Variants in FNDC3A observed in about 807,000 individuals in gnomAD.
FNDC3A encodes the protein fibronectin type III domain containing 3A, also known as fibronectin type-III domain-containing protein 3A.
FNDC3A carries 32 observed loss-of-function variants against 148.9 expected under a neutral mutation model. That is an observed-to-expected ratio of 0.21 (90% CI 0.16 to 0.29). The LOEUF (loss-of-function observed/expected upper bound fraction) is 0.29. Among genes scored for constraint, FNDC3A ranks in the 10% least tolerant of loss-of-function variants. The pLI is 1.00. For missense variants in FNDC3A, 1,191 were observed against 1,452.8 expected (o/e 0.82, Z 2.93); for synonymous variants, 472 against 473.6 (o/e 1.00, Z 0.04).
At chr13:48,980,708 G>A (rs1283307303) in intron 1 of FNDC3A, among the ~76,000 whole-genome samples, 3 of 152,158 alleles carry the variant, frequency 2.0e-5, no homozygotes, top group Non-Finnish European at 4.4e-5. Context: ...TCAGTATACT[G>A]TGGTTCATGT....
chr13:49,115,961 T>C (rs1880926647), intron 4 of FNDC3A, among the ~76,000 whole-genome samples: 1 of 152,220 alleles, frequency 6.6e-6, no homozygotes, highest in Non-Finnish European at 1.5e-5. Flanking sequence ...TCTACTTCTT[T>C]GTTGCACCTT....
chr13:49,150,818 G>A (rs563138793), intron 8 of FNDC3A, among the ~76,000 whole-genome samples: 24 of 151,790 alleles, frequency 1.6e-4, no homozygotes, highest in South Asian at 1.0e-3. Context: ...GGTGGTGCAC[G>A]CCTGTAGTCC....
intron 2 of FNDC3A, among the ~76,000 whole-genome samples, chr13:49,073,872 A>C (rs1358802801): frequency 9.6e-5 from 14 of 145,166 alleles, no homozygotes; most frequent in African/African-American, 3.7e-4. Flanking sequence ...ATACATATAT[A>C]CATATTCCTT....
At chr13:49,060,393 C>T (rs1876581777) in intron 2 of FNDC3A, among the ~76,000 whole-genome samples, 4 of 152,200 alleles carry the variant, frequency 2.6e-5, no homozygotes, top group Admixed American at 2.0e-4. Flanking sequence ...CCTGTAATCC[C>T]AGCACTTTGG....
At chr13:49,125,564 A>C (rs889294921) in intron 4 of FNDC3A, among the ~76,000 whole-genome samples, 2 of 152,166 alleles carry the variant, frequency 1.3e-5, no homozygotes, top group Non-Finnish European at 2.9e-5. Flanking sequence ...GGAATTGAGA[A>C]AGTCACAGAA....
intron 2 of FNDC3A, chr13:49,044,615 A>G (rs987626058): frequency 5.3e-6 from 1 of 188,480 alleles, no homozygotes; most frequent in African/African-American, 2.4e-5. Flanking sequence ...GGTTGCAGTA[A>G]GCTGAGATCG....
At chr13:49,058,911 T>C (rs1345432523) in intron 2 of FNDC3A, among the ~76,000 whole-genome samples, 1 of 152,248 alleles carries the variant, frequency 6.6e-6, no homozygotes, top group Non-Finnish European at 1.5e-5. Context: ...ATTCTTTCAA[T>C]ACTGCTGTCA....
At chr13:49,001,022 C>T (rs913280915) in intron 1 of FNDC3A, among the ~76,000 whole-genome samples, 2 of 151,558 alleles carry the variant, frequency 1.3e-5, no homozygotes, top group African/African-American at 4.9e-5. Context: ...ATTATATTGT[C>T]TGTGAACAGA....
At chr13:49,131,423 C>T in intron 5 of FNDC3A, 49 bp downstream of exon 5, 2 of 1,293,066 alleles carry the variant, frequency 1.5e-6, no homozygotes, top group Non-Finnish European at 2.3e-6. Flanking sequence ...ATATTCTTCG[C>T]TTGGATATAA....
At chr13:49,038,164 C>T (rs946350751) in intron 2 of FNDC3A, among the ~76,000 whole-genome samples, 1 of 152,042 alleles carries the variant, frequency 6.6e-6, no homozygotes, top group Non-Finnish European at 1.5e-5. Flanking sequence ...TGCCGTTTGT[C>T]TGCTCATCTC....
chr13:49,123,226 G>A (rs184247884), intron 4 of FNDC3A, among the ~76,000 whole-genome samples: 22 of 151,874 alleles, frequency 1.4e-4, no homozygotes, highest in Non-Finnish European at 2.7e-4. Context: ...TTGACAAACC[G>A]GGCAAAAACA....
At chr13:49,113,470 C>T (rs955606001) in intron 3 of FNDC3A, among the ~76,000 whole-genome samples, 1 of 152,020 alleles carries the variant, frequency 6.6e-6, no homozygotes, top group African/African-American at 2.4e-5. Context: ...GGCTGTAATC[C>T]GGATTTGTTG....
At chr13:49,069,641 A>G (rs1004917458) in intron 2 of FNDC3A, among the ~76,000 whole-genome samples, 3 of 152,210 alleles carry the variant, frequency 2.0e-5, no homozygotes, top group Admixed American at 2.0e-4. Context: ...ATACACATAC[A>G]CACAAGTGCT....
At chr13:49,104,283 T>C (rs1263546782) in intron 3 of FNDC3A, among the ~76,000 whole-genome samples, 2 of 152,120 alleles carry the variant, frequency 1.3e-5, no homozygotes, top group Non-Finnish European at 1.5e-5. Context: ...TCCCAGTACT[T>C]TGGGAGGCCG....
At chr13:49,065,032 T>A (rs1877170511) in intron 2 of FNDC3A, among the ~76,000 whole-genome samples, 2 of 152,208 alleles carry the variant, frequency 1.3e-5, no homozygotes, top group Admixed American at 1.3e-4. Context: ...TATTGTTGTG[T>A]AACAAACCAA....
At chr13:49,123,310 A>G (rs1566265681) in intron 4 of FNDC3A, among the ~76,000 whole-genome samples, 1 of 152,164 alleles carries the variant, frequency 6.6e-6, no homozygotes, top group Non-Finnish European at 1.5e-5. Context: ...GAAAACTGAA[A>G]CTGGACCCTT....
chr13:49,179,130 A>C (rs1446299372), intron 14 of FNDC3A, among the ~76,000 whole-genome samples: 1 of 152,196 alleles, frequency 6.6e-6, no homozygotes, highest in Admixed American at 6.5e-5. Context: ...TTACTTTGTT[A>C]TATAGCGGTG....
intron 3 of FNDC3A, among the ~76,000 whole-genome samples, chr13:49,099,443 G>A (rs773356347): frequency 1.3e-5 from 2 of 152,086 alleles, no homozygotes; most frequent in Non-Finnish European, 2.9e-5. Flanking sequence ...AGTATTTGAT[G>A]CTGCTGTCTT....
At position 49,075,511 on chromosome 13, in the gene FNDC3A, T is replaced by C. The variant is rs906042800; in HGVS notation, c.175+147T>C. The C allele has an allele frequency of 5.5e-5, 30 of 549,692 alleles. No individual in the cohort carries two copies. In the African/African-American group the frequency reaches 5.7e-4, roughly 10 times the overall value. 34.1% of individuals were successfully genotyped at this position (549,692 alleles called of 1,614,324 possible). ...AAACTCTGATATCTTAGCATTTAAG[T>C]ATTGCAGTGTCATTCTAACTAGTCT... On this transcript the variant is annotated intron_variant, in intron 3 of 25. Coordinates refer to ENST00000492622, the MANE Select transcript of FNDC3A (RefSeq NM_001079673.2).
Sources: allele counts gnomAD v4.1 joint callset (sites outside exome capture counted in the v4.1 genomes callset), GRCh38; gene constraint gnomAD v4.1.1; transcripts MANE v1.5; gene names NCBI Gene and HGNC (gene_info 2026-07-23, HGNC 2026-07-21).